Variants in SINHCAF observed in about 807,000 individuals in gnomAD.
The protein encoded by SINHCAF is SIN3-HDAC complex associated factor.
A neutral mutation model predicts 25.8 loss-of-function variants in SINHCAF; 3 were observed. The ratio of observed to expected loss-of-function variants is 0.12; its 90% CI spans 0.05 to 0.30. The LOEUF is 0.30. Among genes scored for constraint, SINHCAF ranks in the 10% least tolerant of loss-of-function variants. The probability of loss-of-function intolerance (pLI) is 1.00; values close to 1 mark genes in which losing one functional copy is unlikely to be tolerated. For synonymous variants in SINHCAF, 70 were observed against 85.5 expected, an observed-to-expected ratio of 0.82 and a Z score of 1.00; for missense variants, 121 against 262.3, an observed-to-expected ratio of 0.46 and a Z score of 3.72.
rs1183123420 is a variant in SINHCAF at position 31,325,142 on chromosome 12, C to T, written c.-21+882G>A. Reference sequence around the variant, plus strand: ...TCCATCTCCAGCCAAGTTGGCTTCCCTGGCCATCTTACAGCGCGGACGGCC... The same window carrying T: ...TCCATCTCCAGCCAAGTTGGCTTCCTTGGCCATCTTACAGCGCGGACGGCC... On this transcript the variant is annotated intron_variant, in intron 1 of 5. Transcript: ENST00000337682. The surrounding 1 kb of genome is among the most constrained non-coding windows in gnomAD (Gnocchi z 5.9). 1.8e-5 allele frequency: 8 copies of T among 456,658 alleles called. No homozygotes were observed. Among genetic ancestry groups the T allele is most frequent in the Non-Finnish European group, 3.5e-5 (8 of 226,988 alleles). 28.3% of individuals were successfully genotyped at this position (456,658 alleles called of 1,614,324 possible). A position where few individuals can be genotyped will look rare whatever the true frequency, so the allele number is the denominator to read the frequency against.
At chr12:31,317,428 A>G (rs1939536196) in intron 1 of SINHCAF, among the ~76,000 whole-genome samples, 1 of 152,178 alleles carries the variant, frequency 6.6e-6, no homozygotes, top group South Asian at 2.1e-4. Flanking sequence ...ACACCACAGC[A>G]CGCTGTTTCA....
At chr12:31,315,986 C>T (rs1204754965) in intron 1 of SINHCAF, among the ~76,000 whole-genome samples, 3 of 151,974 alleles carry the variant, frequency 2.0e-5, no homozygotes, top group African/African-American at 4.8e-5. Flanking sequence ...ACCAACATGA[C>T]GCAACCCTGT....
At chr12:31,287,879 AAAAAAG>A (rs145113039) in intron 4 of SINHCAF, 95 bp from the exon 5 acceptor site, 128,135 of 764,240 alleles carry the variant, frequency 0.17, 13,529 homozygotes, top group Non-Finnish European at 0.2. Flanking sequence ...AAGAGTTGGT[AAAAAAG>A]AAAAAGTAAA....
chr12:31,302,345 G>A (rs1938833346), intron 1 of SINHCAF, among the ~76,000 whole-genome samples: 3 of 151,886 alleles, frequency 2.0e-5, no homozygotes, highest in African/African-American at 7.3e-5. Context: ...GTATATAAAT[G>A]AGTGAATTTT....
intron 1 of SINHCAF, among the ~76,000 whole-genome samples, chr12:31,302,507 C>A (rs980263139): frequency 6.7e-6 from 1 of 149,242 alleles, no homozygotes; most frequent in African/African-American, 2.5e-5. Context: ...ATTGAGAGAC[C>A]AAGATGGGAA....
intron 3 of SINHCAF, 57 bp downstream of exon 3, chr12:31,295,177 T>G: frequency 9.5e-7 from 1 of 1,052,672 alleles, no homozygotes; most frequent in Non-Finnish European, 1.4e-6. Context: ...AGGGGGAAAT[T>G]AATGTTACTT....
chr12:31,315,706 T>C (rs1382453093), intron 1 of SINHCAF, among the ~76,000 whole-genome samples: 5 of 152,200 alleles, frequency 3.3e-5, no homozygotes, highest in Non-Finnish European at 7.3e-5. Flanking sequence ...TGTTGATCAG[T>C]TTTTTCTTTT....
intron 1 of SINHCAF, 132 bp from the exon 2 acceptor site, chr12:31,298,356 G>C: frequency 3.1e-6 from 3 of 959,190 alleles, no homozygotes; most frequent in Admixed American, 3.9e-5. Context: ...CAGCTCAAGG[G>C]AAGACCTCCT....
Position 31,282,545 on chromosome 12 carries a change from CCGGGAGA to C in SINHCAF, c.*160_*166del. 2.0e-6 allele frequency: 1 copy of C among 506,836 alleles called. No homozygotes were observed. The highest frequency in any genetic ancestry group is 3.4e-6 in the Non-Finnish European group (1 of 292,484). The allele number at this position is 506,836 out of a possible 1,614,324, so 31.4% of individuals were successfully genotyped here. ...GCTGAGGCAGGAGAATCACTTGAAC[CCGGGAGA>C]CGGAAGTTGCAGTGAGCCAAGATCA... On this transcript the variant is annotated 3_prime_UTR_variant, in exon 6 of 6. Coordinates refer to ENST00000337682, the MANE Select transcript of SINHCAF (RefSeq NM_001135812.2).
intron 5 of SINHCAF, among the ~76,000 whole-genome samples, chr12:31,287,390 G>A (rs1374848241): frequency 6.6e-6 from 1 of 151,876 alleles, no homozygotes; most frequent in African/African-American, 2.4e-5. Context: ...ACTGCATATT[G>A]TCTTTCTACT....
At chr12:31,312,624 C>A (rs905534565) in intron 1 of SINHCAF, among the ~76,000 whole-genome samples, 17 of 152,148 alleles carry the variant, frequency 1.1e-4, no homozygotes, top group Admixed American at 2.0e-4. Flanking sequence ...AACTTATTGG[C>A]CATTTAGGTA....
chr12:31,302,712 A>T (rs1398076813), intron 1 of SINHCAF, among the ~76,000 whole-genome samples: 1 of 152,014 alleles, frequency 6.6e-6, no homozygotes, highest in African/African-American at 2.4e-5. Flanking sequence ...GTATTCAGTG[A>T]TGTTACACAT....
Position 31,312,211 on chromosome 12 carries a change from T to C in SINHCAF, c.-21+13813A>G, listed in dbSNP as rs117811373. On this transcript the variant is annotated intron_variant, in intron 1 of 5. Coordinates refer to ENST00000337682, the MANE Select transcript of SINHCAF (RefSeq NM_001135812.2). Reference sequence around the variant, plus strand: ...TCTTTTGTTCAACATTTGTGAGATTTATCCATGCTGTATTTTTTATTTTTC... The same window carrying C: ...TCTTTTGTTCAACATTTGTGAGATTCATCCATGCTGTATTTTTTATTTTTC... Among the ~76,000 whole-genome samples, 443 of 152,374 alleles carry C rather than the reference T, an allele frequency of 2.9e-3. 10 individuals are homozygous for C. The East Asian group carries it at 0.052, about 18-fold the overall frequency.
Position 31,325,218 on chromosome 12 carries a change from G to T in SINHCAF, c.-21+806C>A. 2.2e-6 allele frequency: 1 copy of T among 456,808 alleles called. No homozygotes were observed. The highest frequency in any genetic ancestry group is 1.5e-5 in the South Asian group (1 of 64,574). 28.3% of individuals were successfully genotyped at this position (456,808 alleles called of 1,614,324 possible). ...TGTCGCCCACACCTACGCTACAGGTGAACGCACCGGGAGCAAAACTTCGGG... is the reference window on the plus strand; with the variant it reads ...TGTCGCCCACACCTACGCTACAGGTTAACGCACCGGGAGCAAAACTTCGGG... On this transcript the variant is annotated intron_variant, in intron 1 of 5. Coordinates refer to ENST00000337682, the MANE Select transcript of SINHCAF (RefSeq NM_001135812.2). This position sits in a 1 kb window ranked among gnomAD's most constrained non-coding sequence, Gnocchi z 5.9.
intron 2 of SINHCAF, among the ~76,000 whole-genome samples, chr12:31,297,734 A>G (rs77079642): frequency 0.011 from 1,731 of 151,698 alleles, 17 homozygotes; most frequent in East Asian, 0.036. Context: ...GCCTCCCAAA[A>G]TGCTCTCAGA....
At position 31,287,791 on chromosome 12, in the gene SINHCAF, T is replaced by C. The variant is rs746176281; in HGVS notation, c.356-7A>G. The C allele has an allele frequency of 4.5e-6, 7 of 1,570,778 alleles. No homozygotes were observed. In the African/African-American group the frequency reaches 5.4e-5, roughly 12 times the overall value. On this transcript the variant is annotated splice_region_variant and splice_polypyrimidine_tract_variant and intron_variant, in intron 4 of 5. Transcript: ENST00000337682. ...GTACTGTGAGCATCAGAATCTGCAA[T>C]AAAGATTAAGAGAAAAAATAAAATT...
intron 1 of SINHCAF, among the ~76,000 whole-genome samples, chr12:31,318,961 T>A (rs949745626): frequency 7.9e-5 from 12 of 152,176 alleles, no homozygotes; most frequent in African/African-American, 2.9e-4. Flanking sequence ...ATGCTATCTA[T>A]CCCAAGATAT....
intron 5 of SINHCAF, among the ~76,000 whole-genome samples, chr12:31,286,257 C>T (rs962900087): frequency 2.0e-5 from 3 of 148,418 alleles, no homozygotes; most frequent in South Asian, 4.2e-4. Context: ...AAAAAAGTTT[C>T]CTTCTATTCC....
intron 1 of SINHCAF, among the ~76,000 whole-genome samples, chr12:31,323,515 T>A (rs1044540460): frequency 6.6e-6 from 1 of 152,220 alleles, no homozygotes; most frequent in South Asian, 2.1e-4. Context: ...ATAGGGTCCC[T>A]GTTTAACTCA....
Sources: gnomAD v4.1 joint callset for allele counts (sites outside exome capture counted in the v4.1 genomes callset) on GRCh38, gnomAD v4.1.1 for gene constraint, Gnocchi (gnomAD v3.1) non-coding constraint, MANE v1.5 for transcripts, NCBI Gene and HGNC (gene_info 2026-07-23, HGNC 2026-07-21) for gene names.